Variants in TRIM2 observed in about 807,000 individuals in gnomAD.
TRIM2 encodes tripartite motif-containing protein 2.
A neutral mutation model predicts 75.2 loss-of-function variants in TRIM2; 20 were observed. That is an observed-to-expected ratio of 0.27 (90% CI 0.19 to 0.39). The LOEUF (loss-of-function observed/expected upper bound fraction) is 0.39. Ranked by LOEUF, TRIM2 falls within the 10% of genes least tolerant of loss-of-function variation. TRIM2 has a pLI of 1.00. For missense variants in TRIM2, 660 were observed against 990.8 expected (o/e 0.67, Z 4.48); for synonymous variants, 373 against 388.3 (o/e 0.96, Z 0.46).
At chr4:153,319,023 C>T (rs1041484272) in intron 8 of TRIM2, among the ~76,000 whole-genome samples, 6 of 152,240 alleles carry the variant, frequency 3.9e-5, no homozygotes, top group African/African-American at 1.2e-4. Context: ...CACAGGAGTT[C>T]ATCCAAGTGG....
At chr4:153,187,769 C>T (rs1035232328) in intron 1 of TRIM2, among the ~76,000 whole-genome samples, 2 of 152,076 alleles carry the variant, frequency 1.3e-5, no homozygotes, top group African/African-American at 4.8e-5. Context: ...GGTTCAGTGA[C>T]AGGCAGAAAA....
In TRIM2 at chr4:153,332,666, G is replaced by A. The variant is rs371667532; in HGVS notation, c.2164-2148G>A. ...GTCTCAAAAAAAAAAAAAGAAAAACGAGCAAAAGGCATAAAGAGAAATTTT... is the reference window on the plus strand; with the variant it reads ...GTCTCAAAAAAAAAAAAAGAAAAACAAGCAAAAGGCATAAAGAGAAATTTT... On this transcript the variant is annotated intron_variant, in intron 11 of 11. Coordinates refer to ENST00000338700, the MANE Select transcript of TRIM2 (RefSeq NM_015271.5). 6.6e-5 allele frequency among the ~76,000 whole-genome samples: 10 copies of A among 151,030 alleles called. No individual in the cohort carries two copies. The South Asian group carries it at 1.5e-3, about 22-fold the overall frequency.
chr4:153,209,526 C>T (rs1183035126), intron 1 of TRIM2, among the ~76,000 whole-genome samples: 1 of 152,166 alleles, frequency 6.6e-6, no homozygotes, highest in Non-Finnish European at 1.5e-5. Context: ...CTTTAACTAC[C>T]AGGTGTATTT....
chr4:153,224,019 T>C (rs1741431315), intron 1 of TRIM2, among the ~76,000 whole-genome samples: 1 of 152,164 alleles, frequency 6.6e-6, no homozygotes, highest in South Asian at 2.1e-4. Context: ...ACAACTTGTA[T>C]TGAGGGTTCC....
chr4:153,289,132 G>A (rs945979018), intron 3 of TRIM2, among the ~76,000 whole-genome samples: 5 of 151,840 alleles, frequency 3.3e-5, no homozygotes, highest in African/African-American at 7.3e-5. Context: ...TTTTTTGTGT[G>A]CTTCACTTTT....
In TRIM2 at chr4:153,293,061, C is replaced by T; in HGVS notation, c.533C>T (p.Thr178Ile). Residue 178 changes from threonine (T) to isoleucine (I), a missense_variant, in exon 4 of 12, where the codon ACA (threonine) becomes ATA (isoleucine). Coordinates refer to ENST00000338700, the MANE Select transcript of TRIM2 (RefSeq NM_015271.5). ...CTEGEHAEHPTVPLKDVVEQH... is the reference protein window; with the variant it reads ...CTEGEHAEHPIVPLKDVVEQH... ...GAGGGGGAGCACGCAGAGCACCCCA[C>T]AGTTCCACTCAAGGATGTGGTGGAA... 6.2e-7 allele frequency: 1 copy of T among 1,613,878 alleles called. No individual in the cohort carries two copies. The highest frequency in any genetic ancestry group is 8.5e-7 in the Non-Finnish European group (1 of 1,179,806).
chr4:153,320,884 G>A (rs961347012), intron 8 of TRIM2, among the ~76,000 whole-genome samples: 30 of 152,204 alleles, frequency 2.0e-4, no homozygotes, highest in African/African-American at 6.5e-4. Context: ...CACCCACCTC[G>A]GCCTCCCAAA....
chr4:153,173,774 C>T (rs1020110770), intron 1 of TRIM2, among the ~76,000 whole-genome samples: 1 of 151,800 alleles, frequency 6.6e-6, no homozygotes, highest in Admixed American at 6.6e-5. Flanking sequence ...CAAGACCAGC[C>T]GGACCAACAT....
chr4:153,202,630 C>A (rs951298123), upstream of TRIM2, among the ~76,000 whole-genome samples: 8 of 146,566 alleles, frequency 5.5e-5, no homozygotes, highest in South Asian at 2.1e-4. Flanking sequence ...ACCCGAGAGG[C>A]GGAGCTTGCA....
intron 1 of TRIM2, among the ~76,000 whole-genome samples, chr4:153,214,022 C>T (rs1737798838): frequency 3.3e-5 from 5 of 151,810 alleles, no homozygotes. Flanking sequence ...GATGGGCTGG[C>T]ATTGAAACCC....
chr4:153,315,754 G>A, intron 7 of TRIM2, 78 bp from the exon 8 acceptor site: 1 of 1,546,060 alleles, frequency 6.5e-7, no homozygotes, highest in Non-Finnish European at 8.9e-7. Flanking sequence ...CTGTATGTAT[G>A]GCAGATGTTT....
intron 1 of TRIM2, among the ~76,000 whole-genome samples, chr4:153,229,593 C>T (rs1743070385): frequency 1.3e-5 from 2 of 152,142 alleles, no homozygotes; most frequent in African/African-American, 4.8e-5. Flanking sequence ...TACTAGAAAT[C>T]AAATTCATTT....
rs1062835 is a variant in TRIM2 at position 153,337,493 on chromosome 4, C to A, written c.*2527C>A. 7 of 985,590 alleles carry A rather than the reference C, an allele frequency of 7.1e-6. No homozygotes were observed. Among genetic ancestry groups the A allele is most frequent in the South Asian group, 4.7e-5 (1 of 21,284 alleles). The allele number at this position is 985,590 out of a possible 1,614,324, so 61.1% of individuals were successfully genotyped here. A position where few individuals can be genotyped will look rare whatever the true frequency, so the allele number is the denominator to read the frequency against. ...GCTAAAACACATGCTATGAGCACTC[C>A]AGGAAACACTATATTTTTTCCAAAA... On this transcript the variant is annotated 3_prime_UTR_variant, in exon 12 of 12. Transcript: ENST00000338700.
At position 153,324,137 on chromosome 4, in the gene TRIM2, C is replaced by A; in HGVS notation, c.2011C>A (p.His671Asn). Residue 671 changes from histidine (H) to asparagine (N), a missense_variant, in exon 10 of 12, where the codon CAT becomes AAT. This residue lies in a region of TRIM2 where 620 missense variants were observed against 891.0 expected (regional missense o/e 0.70). Coordinates refer to ENST00000338700, the MANE Select transcript of TRIM2 (RefSeq NM_015271.5). Reference protein sequence around the residue: ...NEIIITDFHNHSVKVFNQEGE... With the variant: ...NEIIITDFHNNSVKVFNQEGE... ...GATTATTATTACAGATTTCCATAAT[C>A]ATTCTGTCAAGGTACTACAAGCACA... is the stretch of plus-strand genomic sequence containing the variant. 1.2e-6 allele frequency: 2 copies of A among 1,612,000 alleles called. No individual in the cohort carries two copies. The highest frequency in any genetic ancestry group is 2.2e-5 in the South Asian group (2 of 90,408).
intron 11 of TRIM2, among the ~76,000 whole-genome samples, chr4:153,332,364 G>A (rs879798005): frequency 2.0e-5 from 3 of 152,186 alleles, no homozygotes; most frequent in Non-Finnish European, 4.4e-5. Flanking sequence ...ACAAAAGGCG[G>A]CTGGGTGCTG....
rs75686132 is a variant in TRIM2, at chr4:153,263,163, C to G, written c.31-7172C>G. On this transcript the variant is annotated intron_variant, in intron 1 of 11. Coordinates refer to ENST00000338700, the MANE Select transcript of TRIM2 (RefSeq NM_015271.5). ...TGTGCAACATAGTGGCACCCCTTCT[C>G]TACAAAAATACAAAAATTAGCTGGG... Among the ~76,000 whole-genome samples, 1,001 of 152,184 alleles carry G rather than the reference C, an allele frequency of 6.6e-3. 13 individuals are homozygous for G. The highest frequency in any genetic ancestry group is 0.023 in the African/African-American group (938 of 41,522).
intron 2 of TRIM2, among the ~76,000 whole-genome samples, chr4:153,273,045 G>A (rs938109056): frequency 6.6e-6 from 1 of 151,734 alleles, no homozygotes; most frequent in African/African-American, 2.4e-5. Context: ...CGCCATGTTG[G>A]CCAGGATGGT....
At chr4:153,267,861 A>G (rs1191013721) in intron 1 of TRIM2, among the ~76,000 whole-genome samples, 2 of 152,022 alleles carry the variant, frequency 1.3e-5, no homozygotes, top group African/African-American at 2.4e-5. Context: ...GAGCCAATTT[A>G]TCAAGACAGG....
At chr4:153,160,757 G>T (rs1357558973) in intron 1 of TRIM2, among the ~76,000 whole-genome samples, 1 of 152,118 alleles carries the variant, frequency 6.6e-6, no homozygotes, top group Non-Finnish European at 1.5e-5. Context: ...ACCACACCTG[G>T]CTAATTTTTA....
Sources: allele counts gnomAD v4.1 joint callset (sites outside exome capture counted in the v4.1 genomes callset), GRCh38; gene constraint gnomAD v4.1.1; regional missense constraint gnomAD v4.1.1; transcripts MANE v1.5; gene names NCBI Gene and HGNC (gene_info 2026-07-23, HGNC 2026-07-21).